The following VPS13D variants were observed in gnomAD, a reference collection of about 807,000 sequenced individuals.
VPS13D encodes intermembrane lipid transfer protein VPS13D.
In VPS13D, 187 loss-of-function variants were observed where a neutral mutation model predicts 461.9. The ratio of observed to expected loss-of-function variants is 0.40; its 90% CI spans 0.36 to 0.46. VPS13D has a LOEUF of 0.46. Ranked by LOEUF, VPS13D falls within the 20% of genes least tolerant of loss-of-function variation. The pLI, the probability that VPS13D is intolerant of heterozygous loss-of-function variation, is 0.60. For missense variants in VPS13D, 4,711 were observed against 5,364.9 expected (o/e 0.88, Z 3.81); for synonymous variants, 1,951 against 1,986.3 (o/e 0.98, Z 0.47).
intron 67 of VPS13D, among the ~76,000 whole-genome samples, chr1:12,493,192 A>AG (rs1645908422): frequency 6.6e-6 from 1 of 151,728 alleles, no homozygotes; most frequent in Non-Finnish European, 1.5e-5. Context: ...TTAAAAAAAA[A>AG]AAAAAAAAAG....
intron 67 of VPS13D, among the ~76,000 whole-genome samples, chr1:12,488,182 T>C (rs1026806346): frequency 2.0e-5 from 3 of 152,246 alleles, no homozygotes; most frequent in Non-Finnish European, 4.4e-5. Flanking sequence ...TACTGCACTT[T>C]CGCATTTTGG....
At chr1:12,477,400 C>T (rs761407377) in intron 67 of VPS13D, among the ~76,000 whole-genome samples, 1 of 152,166 alleles carries the variant, frequency 6.6e-6, no homozygotes, top group Non-Finnish European at 1.5e-5. Flanking sequence ...CACAACAGCT[C>T]GATGTGACAA....
intron 18 of VPS13D, 74 bp downstream of exon 18, chr1:12,273,209 G>A: frequency 6.7e-7 from 1 of 1,492,088 alleles, no homozygotes; most frequent in African/African-American, 1.4e-5. Flanking sequence ...TCTAAGTAAA[G>A]CTTAATAAAA....
At position 12,491,680 on chromosome 1, in the gene VPS13D, G is replaced by A. The variant is rs1645883688; in HGVS notation, c.12663-5820G>A. Among the ~76,000 whole-genome samples the A allele has an allele frequency of 2.6e-5, 4 of 152,334 alleles. No homozygotes were observed. The South Asian group carries it at 8.3e-4, about 32-fold the overall frequency. On this transcript the variant is annotated intron_variant, in intron 67 of 69. Transcript: ENST00000620676. ...GATTGCCCTCACTGGAAGGATATCT[G>A]CAGTGTATCAGCCACTGTATCCACA...
At chr1:12,371,148 C>T (rs182253426) in intron 54 of VPS13D, among the ~76,000 whole-genome samples, 123 of 152,154 alleles carry the variant, frequency 8.1e-4, no homozygotes, top group African/African-American at 2.7e-3. Context: ...ACCACCTCTT[C>T]GTAGTTCAGA....
chr1:12,465,865 G>A (rs1045496215), intron 67 of VPS13D, among the ~76,000 whole-genome samples: 5 of 152,174 alleles, frequency 3.3e-5, no homozygotes, highest in African/African-American at 1.2e-4. Context: ...GGCCGGGTGT[G>A]GTGGCTCACG....
chr1:12,401,115 ACTTT>A (rs1160382522), intron 61 of VPS13D, among the ~76,000 whole-genome samples: 1 of 152,054 alleles, frequency 6.6e-6, no homozygotes, highest in East Asian at 1.9e-4. Context: ...CAAATGATAA[ACTTT>A]CTTTCTTGGA....
At chr1:12,242,633 T>C in intron 3 of VPS13D, 43 bp downstream of exon 3, 1 of 1,558,676 alleles carries the variant, frequency 6.4e-7, no homozygotes. Context: ...GAGTCTTAAA[T>C]TGTTTGAGAG....
intron 58 of VPS13D, 94 bp downstream of exon 58, chr1:12,383,249 G>A: frequency 7.8e-7 from 1 of 1,281,354 alleles, no homozygotes; most frequent in South Asian, 1.6e-5. Context: ...ACATGTTTAT[G>A]CCAGATATGA....
At chr1:12,467,735 C>A (rs1228340967) in intron 67 of VPS13D, among the ~76,000 whole-genome samples, 1 of 152,120 alleles carries the variant, frequency 6.6e-6, no homozygotes, top group African/African-American at 2.4e-5. Context: ...TTGAGAAAAG[C>A]CTTTCCATTT....
chr1:12,371,667 A>G (rs953364661), intron 54 of VPS13D, among the ~76,000 whole-genome samples: 1 of 152,158 alleles, frequency 6.6e-6, no homozygotes, highest in Non-Finnish European at 1.5e-5. Flanking sequence ...TGCTGGGATT[A>G]CAGGCTTGAG....
intron 29 of VPS13D, among the ~76,000 whole-genome samples, chr1:12,312,223 C>G (rs1362416609): frequency 6.6e-6 from 1 of 152,196 alleles, no homozygotes; most frequent in African/African-American, 2.4e-5. Flanking sequence ...GGCTGCTCTG[C>G]TTGTTGTAGT....
intron 21 of VPS13D, 151 bp from the exon 22 acceptor site, chr1:12,288,072 A>T (rs1408502886): frequency 3.1e-6 from 2 of 645,882 alleles, no homozygotes; most frequent in Middle Eastern, 2.6e-4. Flanking sequence ...TCTCTGGCTT[A>T]AGAAAGCTGA....
chr1:12,258,233 A>T lies in VPS13D; in HGVS notation c.1110+130A>T. 3.5e-6 allele frequency: 4 copies of T among 1,156,008 alleles called. No individual in the cohort carries two copies. In the South Asian group the frequency reaches 6.3e-5, roughly 18 times the overall value. 71.6% of individuals were successfully genotyped at this position (1,156,008 alleles called of 1,614,324 possible). A position where few individuals can be genotyped will look rare whatever the true frequency, so the allele number is the denominator to read the frequency against. On this transcript the variant is annotated intron_variant, in intron 10 of 69. Coordinates refer to ENST00000620676, the MANE Select transcript of VPS13D (RefSeq NM_015378.4). ...AAAGGGGCTAAATTTTATAGGATAG[A>T]GTTGGTCTTAGTAGAGTGAGAACTA...
chr1:12,376,544 CGTT>C (rs1198588926), intron 55 of VPS13D, among the ~76,000 whole-genome samples: 2 of 152,198 alleles, frequency 1.3e-5, no homozygotes, highest in Non-Finnish European at 2.9e-5. Flanking sequence ...CAATTTTTCT[CGTT>C]GACAGATCAG....
intron 66 of VPS13D, 92 bp downstream of exon 66, chr1:12,456,222 G>T: frequency 6.8e-7 from 1 of 1,480,932 alleles, no homozygotes; most frequent in East Asian, 2.4e-5. Context: ...AAGAAAGGTG[G>T]GCTGGGCGCG....
At chr1:12,425,144 A>T (rs966517567) in intron 65 of VPS13D, among the ~76,000 whole-genome samples, 44 of 151,870 alleles carry the variant, frequency 2.9e-4, no homozygotes, top group Admixed American at 2.0e-3. Flanking sequence ...TTTTTTTTTT[A>T]AATTTCTTTC....
chr1:12,400,317 C>G lies in VPS13D; in HGVS notation c.11771C>G (p.Thr3924Ser). ...AVKFPSKSAL[T>S]NIYKHLMITA... ...AAGTTCCCCAGTAAGAGTGCACTGA[C>G]CAACATCTACAAGGTGGGCTGGTGG... Residue 3924 changes from threonine to serine, a missense_variant, in exon 61 of 70, where the codon ACC (threonine) becomes AGC (serine). Transcript: ENST00000620676. The G allele has an allele frequency of 6.2e-7, 1 of 1,614,106 alleles. No homozygotes were observed. Among genetic ancestry groups the G allele is most frequent in the Non-Finnish European group, 8.5e-7 (1 of 1,179,996 alleles).
intron 22 of VPS13D, among the ~76,000 whole-genome samples, chr1:12,290,648 G>A (rs1259859533): frequency 3.3e-5 from 5 of 151,704 alleles, no homozygotes; most frequent in African/African-American, 7.3e-5. Context: ...GCGTGAACCC[G>A]GGAGGCAGAA....
Sources: allele counts gnomAD v4.1 joint callset (sites outside exome capture counted in the v4.1 genomes callset), GRCh38; gene constraint gnomAD v4.1.1; transcripts MANE v1.5; gene names NCBI Gene and HGNC (gene_info 2026-07-23, HGNC 2026-07-21).